SATB2: variants seen among roughly 807,000 people sequenced by gnomAD.
SATB2 encodes SATB homeobox 2.
SATB2 carries 1 observed loss-of-function variant against 73.4 expected under a neutral mutation model. The observed-to-expected ratio is 0.01, with a 90% CI of 0.00 to 0.06. The LOEUF (loss-of-function observed/expected upper bound fraction) is 0.06. Ranked by LOEUF, SATB2 falls within the 10% of genes least tolerant of loss-of-function variation. The pLI, the probability that SATB2 is intolerant of heterozygous loss-of-function variation, is 1.00. For missense variants in SATB2, 459 were observed against 945.8 expected (o/e 0.49, Z 6.75); for synonymous variants, 397 against 367.0 (o/e 1.08, Z -0.93).
intron 7 of SATB2, among the ~76,000 whole-genome samples, chr2:199,342,731 A>G (rs535835560): frequency 3.0e-4 from 45 of 152,344 alleles, no homozygotes; most frequent in Non-Finnish European, 5.3e-4. Flanking sequence ...AAATATTGGC[A>G]AAAGGCTGTC....
chr2:199,456,681 T>G (rs912262916), intron 1 of SATB2, among the ~76,000 whole-genome samples: 1 of 152,178 alleles, frequency 6.6e-6, no homozygotes, highest in African/African-American at 2.4e-5. Flanking sequence ...AATTCCACAT[T>G]AATAAGCATC....
chr2:199,390,520 G>C (rs114280562), intron 3 of SATB2, among the ~76,000 whole-genome samples: 216 of 152,230 alleles, frequency 1.4e-3, no homozygotes, highest in Non-Finnish European at 2.7e-3. Context: ...TTTGCATAAA[G>C]AGATTTCCCC....
chr2:199,428,957 G>C (rs1691416088), intron 3 of SATB2, among the ~76,000 whole-genome samples: 2 of 145,902 alleles, frequency 1.4e-5, no homozygotes, highest in Non-Finnish European at 3.0e-5. Context: ...AGTAAGCTAT[G>C]ATTGTGCCAA....
chr2:199,334,487 G>A (rs1334705416), intron 7 of SATB2, among the ~76,000 whole-genome samples: 1 of 152,070 alleles, frequency 6.6e-6, no homozygotes, highest in African/African-American at 2.4e-5. Flanking sequence ...GGCTAGAGGT[G>A]GAAGGAGCCT....
intron 10 of SATB2, among the ~76,000 whole-genome samples, chr2:199,304,694 G>A (rs1193268861): frequency 6.6e-6 from 1 of 152,210 alleles, no homozygotes; most frequent in Non-Finnish European, 1.5e-5. Flanking sequence ...TCTAGCTTAC[G>A]AAGTGTGTTC....
chr2:199,421,431 A>G (rs1691166413), intron 3 of SATB2, among the ~76,000 whole-genome samples: 1 of 152,186 alleles, frequency 6.6e-6, no homozygotes, highest in South Asian at 2.1e-4. Flanking sequence ...GTTCTCAAGC[A>G]ATTCAAACAT....
At chr2:199,424,115 T>G (rs1691257200) in intron 3 of SATB2, among the ~76,000 whole-genome samples, 1 of 152,236 alleles carries the variant, frequency 6.6e-6, no homozygotes. Context: ...GAAGAACCTT[T>G]GTGTTTTCTC....
chr2:199,333,461 T>C (rs1428415124), intron 7 of SATB2, among the ~76,000 whole-genome samples: 2 of 152,046 alleles, frequency 1.3e-5, no homozygotes, highest in Non-Finnish European at 2.9e-5. Context: ...AGATAGTACA[T>C]GGATATAAAG....
chr2:199,429,338 T>G (rs1482646900), intron 3 of SATB2, among the ~76,000 whole-genome samples: 1 of 152,216 alleles, frequency 6.6e-6, no homozygotes, highest in Non-Finnish European at 1.5e-5. Flanking sequence ...TGCTGATTAT[T>G]CTAATACATT....
At chr2:199,341,393 C>T (rs200626763) in intron 7 of SATB2, among the ~76,000 whole-genome samples, 1 of 152,204 alleles carries the variant, frequency 6.6e-6, no homozygotes, top group African/African-American at 2.4e-5. Flanking sequence ...GGCCGAGAGG[C>T]AAAGCCACTC....
chr2:199,460,296 A>G (rs748962697), upstream of SATB2, among the ~76,000 whole-genome samples: 1 of 152,208 alleles, frequency 6.6e-6, no homozygotes. This position sits in a 1 kb window ranked among gnomAD's most constrained non-coding sequence, Gnocchi z 4.0. Flanking sequence ...AGTTTTGAGC[A>G]ACAAACTTTT....
At chr2:199,335,927 A>G (rs1688322681) in intron 7 of SATB2, among the ~76,000 whole-genome samples, 1 of 152,208 alleles carries the variant, frequency 6.6e-6, no homozygotes, top group East Asian at 1.9e-4. Flanking sequence ...CAGTACCCAC[A>G]TAACACAAAG....
intron 9 of SATB2, among the ~76,000 whole-genome samples, chr2:199,313,297 GGAACTTA>G (rs1410869428): frequency 2.0e-5 from 3 of 152,044 alleles, no homozygotes; most frequent in African/African-American, 4.8e-5. Flanking sequence ...GGAAATTCCT[GGAACTTA>G]TAGAGAAAAA....
At chr2:199,459,396 C>T (rs1039887932), upstream of SATB2, among the ~76,000 whole-genome samples, 3 of 152,164 alleles carry the variant, frequency 2.0e-5, no homozygotes, top group Non-Finnish European at 2.9e-5. The surrounding 1 kb of genome is among the most constrained non-coding windows in gnomAD (Gnocchi z 4.2). Context: ...GCCGAGCAGG[C>T]TGGCCTCTGG....
upstream of SATB2, among the ~76,000 whole-genome samples, chr2:199,460,849 A>G (rs189387756): frequency 6.2e-4 from 94 of 152,368 alleles, 1 homozygote; most frequent in African/African-American, 2.1e-3. The surrounding 1 kb of genome is among the most constrained non-coding windows in gnomAD (Gnocchi z 4.0). Context: ...TTGATTCTAA[A>G]TTATTAAACC....
At chr2:199,381,564 C>T in intron 4 of SATB2, 130 bp downstream of exon 4, 1 of 1,308,172 alleles carries the variant, frequency 7.6e-7, no homozygotes, top group East Asian at 2.4e-5. Flanking sequence ...TTCTTTCCCT[C>T]TCTCTCCTTC....
intron 7 of SATB2, among the ~76,000 whole-genome samples, chr2:199,331,200 TTTTAA>T (rs1183201780): frequency 8.3e-6 from 1 of 119,842 alleles, no homozygotes; most frequent in African/African-American, 2.8e-5. Context: ...ACACAGAGTG[TTTTAA>T]TTTGTTTCTT....
intron 10 of SATB2, among the ~76,000 whole-genome samples, chr2:199,285,723 T>C (rs916262031): frequency 4.4e-5 from 6 of 137,528 alleles, no homozygotes; most frequent in Non-Finnish European, 1.6e-5. Context: ...GAGAGGGATT[T>C]AAAAAAAAAA....
At chr2:199,355,533 T>C (rs1429225216) in intron 6 of SATB2, among the ~76,000 whole-genome samples, 2 of 152,030 alleles carry the variant, frequency 1.3e-5, no homozygotes, top group Non-Finnish European at 2.9e-5. Flanking sequence ...GTGAAGCACC[T>C]GATTGGCACA....
Sources: allele counts gnomAD v4.1 joint callset (sites outside exome capture counted in the v4.1 genomes callset), GRCh38; gene constraint gnomAD v4.1.1; non-coding constraint Gnocchi (gnomAD v3.1); transcripts MANE v1.5; gene names NCBI Gene and HGNC (gene_info 2026-07-23, HGNC 2026-07-21).